Variants in RAD51B observed in about 807,000 individuals in gnomAD.
RAD51B encodes the protein RAD51 paralog B, also known as DNA repair protein RAD51 homolog 2.
A neutral mutation model predicts 42.2 loss-of-function variants in RAD51B; 38 were observed. That is an observed-to-expected ratio of 0.90 (90% confidence interval 0.70 to 1.18). The LOEUF (loss-of-function observed/expected upper bound fraction) is 1.18. Ranked by LOEUF, RAD51B falls within the 50% of genes most tolerant of loss-of-function variation. RAD51B has a pLI of 0.00. For missense variants in RAD51B, 373 were observed against 400.7 expected, an observed-to-expected ratio of 0.93 and a Z score of 0.59; for synonymous variants, 154 against 145.2, an observed-to-expected ratio of 1.06 and a Z score of -0.43.
intron 10 of RAD51B, among the ~76,000 whole-genome samples, chr14:68,546,503 T>C (rs1315334134): frequency 6.6e-6 from 1 of 152,210 alleles, no homozygotes; most frequent in East Asian, 1.9e-4. Context: ...GAGACAACCA[T>C]AGAATGTTCC....
chr14:68,607,792 G>A (rs1200856847), intron 10 of RAD51B, among the ~76,000 whole-genome samples: 1 of 152,178 alleles, frequency 6.6e-6, no homozygotes, highest in Non-Finnish European at 1.5e-5. Context: ...AAGCCATTCT[G>A]CGGGGTGCTG....
In RAD51B at chr14:68,414,120, T is replaced by C. The variant is rs143631873; in HGVS notation, c.957+2593T>C. Among the ~76,000 whole-genome samples, 88 of 152,298 alleles carry C rather than the reference T, an allele frequency of 5.8e-4. 1 individual carries two copies. The highest frequency in any genetic ancestry group is 3.4e-3 in the Middle Eastern group (1 of 294). On this transcript the variant is annotated intron_variant, in intron 9 of 10. Transcript: ENST00000471583. ...CAAGCTGAGCAGACCTTCAAGCCGA[T>C]TAACCCAAGAGCTGAATTGTGTTGT...
intron 7 of RAD51B, among the ~76,000 whole-genome samples, chr14:68,003,980 T>C (rs2075532973): frequency 6.6e-6 from 1 of 152,144 alleles, no homozygotes; most frequent in South Asian, 2.1e-4. Context: ...ATCCCATTAA[T>C]GTGGTAGATT....
At chr14:67,857,226 G>T (rs1412041866) in intron 4 of RAD51B, among the ~76,000 whole-genome samples, 2 of 152,030 alleles carry the variant, frequency 1.3e-5, no homozygotes, top group Non-Finnish European at 2.9e-5. Flanking sequence ...AGTCTAGGAA[G>T]AGATGAAAAA....
At chr14:68,245,427 G>A (rs2080475362) in intron 7 of RAD51B, among the ~76,000 whole-genome samples, 1 of 152,210 alleles carries the variant, frequency 6.6e-6, no homozygotes, top group Non-Finnish European at 1.5e-5. Flanking sequence ...TATGATATTG[G>A]TATGATCTGC....
At chr14:68,592,868 A>G (rs985785327) in intron 10 of RAD51B, among the ~76,000 whole-genome samples, 1 of 152,162 alleles carries the variant, frequency 6.6e-6, no homozygotes, top group Non-Finnish European at 1.5e-5. Context: ...TGCGTGGGAT[A>G]TGGGACTGAG....
At chr14:67,919,454 T>A (rs950023915) in intron 7 of RAD51B, among the ~76,000 whole-genome samples, 9 of 152,202 alleles carry the variant, frequency 5.9e-5, no homozygotes, top group African/African-American at 2.2e-4. Flanking sequence ...AAACCCTTTA[T>A]CATCTCAGAG....
At chr14:68,146,445 C>A (rs1328770563) in intron 7 of RAD51B, among the ~76,000 whole-genome samples, 2 of 152,002 alleles carry the variant, frequency 1.3e-5, no homozygotes, top group African/African-American at 4.8e-5. Flanking sequence ...CCCCCTCCCC[C>A]ACAAAAAAGT....
intron 7 of RAD51B, among the ~76,000 whole-genome samples, chr14:68,120,982 T>A (rs1355729755): frequency 6.6e-6 from 1 of 152,204 alleles, no homozygotes; most frequent in East Asian, 1.9e-4. Context: ...TTCTGTCATA[T>A]TGCTAGGAGT....
chr14:68,079,096 A>C (rs1650228242), intron 7 of RAD51B, among the ~76,000 whole-genome samples: 1 of 152,204 alleles, frequency 6.6e-6, no homozygotes, highest in Non-Finnish European at 1.5e-5. Context: ...TGTTTTTGGA[A>C]TCTCTCTGAC....
Position 68,164,278 on chromosome 14 carries a change from G to A in RAD51B, c.757-127606G>A, listed in dbSNP as rs115207754. ...TCCTTTCCTTTAATAAAATCATGAAGACTATCACCTGGTAATGAAATTGTT... is the reference window on the plus strand; with the variant it reads ...TCCTTTCCTTTAATAAAATCATGAAAACTATCACCTGGTAATGAAATTGTT... On this transcript the variant is annotated intron_variant, in intron 7 of 10. Transcript: ENST00000471583. Among the ~76,000 whole-genome samples, 967 of 152,178 alleles carry A rather than the reference G, an allele frequency of 6.4e-3. 10 individuals are homozygous for A. Among genetic ancestry groups the A allele is most frequent in the African/African-American group, 0.022 (901 of 41,498 alleles).
At chr14:68,025,414 A>G (rs987047447) in intron 7 of RAD51B, among the ~76,000 whole-genome samples, 1 of 132,016 alleles carries the variant, frequency 7.6e-6, no homozygotes, top group African/African-American at 2.8e-5. Context: ...TTTTAGTAGG[A>G]TTGGTACCAG....
intron 8 of RAD51B, among the ~76,000 whole-genome samples, chr14:68,362,576 G>A (rs929258648): frequency 5.9e-5 from 9 of 152,276 alleles, no homozygotes; most frequent in South Asian, 2.1e-4. Flanking sequence ...GAGGCCGGGC[G>A]CAGTGGCTCA....
chr14:68,141,203 A>G (rs565044008), intron 7 of RAD51B, among the ~76,000 whole-genome samples: 1 of 152,350 alleles, frequency 6.6e-6, no homozygotes. Flanking sequence ...TAGAAAATCT[A>G]GTCATTCTCA....
chr14:67,918,193 C>G lies in RAD51B; in HGVS notation c.756+30989C>G, dbSNP rs191617464. Among the ~76,000 whole-genome samples the G allele has an allele frequency of 5.3e-5, 8 of 151,684 alleles. No individual in the cohort carries two copies. The East Asian group carries it at 1.5e-3, about 29-fold the overall frequency. On this transcript the variant is annotated intron_variant, in intron 7 of 10. Transcript: ENST00000471583. Reference sequence around the variant, plus strand: ...CCCATCTCCTTTCTAAAAAGATTTTCAGAGAGAGAGAGAGATCAAAGAAAA... The same window carrying G: ...CCCATCTCCTTTCTAAAAAGATTTTGAGAGAGAGAGAGAGATCAAAGAAAA...
chr14:68,250,810 C>T (rs760125490), intron 7 of RAD51B, among the ~76,000 whole-genome samples: 2 of 152,140 alleles, frequency 1.3e-5, no homozygotes, highest in Non-Finnish European at 2.9e-5. Flanking sequence ...ATGGAACATT[C>T]CCAGGAAGGG....
chr14:68,393,963 G>A (rs760610465), intron 8 of RAD51B, among the ~76,000 whole-genome samples: 4 of 152,142 alleles, frequency 2.6e-5, no homozygotes, highest in Non-Finnish European at 5.9e-5. Flanking sequence ...AGAAGACAGA[G>A]GAAGAGAAGA....
Position 68,202,873 on chromosome 14 carries a change from C to T in RAD51B, c.757-89011C>T, listed in dbSNP as rs115593600. ...CTGGGATTACAAGCATGAGCCACTG[C>T]GCCCAGGCATGAATCAACTTCTCAT... On this transcript the variant is annotated intron_variant, in intron 7 of 10. Coordinates refer to ENST00000471583, the MANE Select transcript of RAD51B (RefSeq NM_133510.4). 3.3e-3 allele frequency among the ~76,000 whole-genome samples: 497 copies of T among 152,206 alleles called. 2 individuals carry two copies. The highest frequency in any genetic ancestry group is 0.011 in the African/African-American group (463 of 41,520).
In RAD51B at chr14:67,887,983, G is replaced by A. The variant is rs762623952; in HGVS notation, c.756+779G>A. 2.6e-5 allele frequency among the ~76,000 whole-genome samples: 4 copies of A among 152,094 alleles called. No homozygotes were observed. In the South Asian group the frequency reaches 6.2e-4, roughly 24 times the overall value. On this transcript the variant is annotated intron_variant, in intron 7 of 10. Transcript: ENST00000471583. Reference sequence around the variant, plus strand: ...TCATGCTTCATCTCAAGAAAAGATAGTTCCTTAAACTGAGATAAAATTTGG... The same window carrying A: ...TCATGCTTCATCTCAAGAAAAGATAATTCCTTAAACTGAGATAAAATTTGG...
Sources: gnomAD v4.1 joint callset for allele counts (sites outside exome capture counted in the v4.1 genomes callset) on GRCh38, gnomAD v4.1.1 for gene constraint, MANE v1.5 for transcripts, NCBI Gene and HGNC (gene_info 2026-07-23, HGNC 2026-07-21) for gene names.